FA2H: variants seen among roughly 807,000 people sequenced by gnomAD.
FA2H encodes fatty acid alpha-hydroxylase.
In FA2H, 22 loss-of-function variants were observed where a neutral mutation model predicts 44.9. The observed-to-expected ratio is 0.49, with a 90% CI of 0.35 to 0.70. The LOEUF is 0.70. Among genes scored for constraint, FA2H ranks in the 30% least tolerant of loss-of-function variants. FA2H has a pLI of 0.01. For synonymous variants in FA2H, 243 were observed against 213.2 expected, an observed-to-expected ratio of 1.14 and a Z score of -1.22; for missense variants, 501 against 504.9, an observed-to-expected ratio of 0.99 and a Z score of 0.07.
intron 3 of FA2H, 22 bp from the exon 4 acceptor site, chr16:74,726,353 G>A (rs772803508): frequency 2.7e-6 from 4 of 1,465,628 alleles, no homozygotes; most frequent in Non-Finnish European, 2.9e-6. Context: ...CCATCAGGGT[G>A]AGAGAGATAC....
intron 1 of FA2H, chr16:74,741,270 G>A (rs1962289104): frequency 6.6e-6 from 1 of 152,228 alleles, no homozygotes; most frequent in African/African-American, 2.4e-5. Context: ...GCTGGGCATT[G>A]GCCGGCGGCC....
At chr16:74,751,087 T>C (rs1375917443) in intron 1 of FA2H, among the ~76,000 whole-genome samples, 1 of 151,182 alleles carries the variant, frequency 6.6e-6, no homozygotes, top group Non-Finnish European at 1.5e-5. Context: ...CTGGTCCCAC[T>C]GTACATTTCT....
chr16:74,747,247 G>A (rs371819581), intron 1 of FA2H, among the ~76,000 whole-genome samples: 8 of 152,188 alleles, frequency 5.3e-5, no homozygotes, highest in East Asian at 3.9e-4. Flanking sequence ...GGAAATGGAG[G>A]CTGCAGTGAG....
chr16:74,753,947 T>C (rs953296184), intron 1 of FA2H, among the ~76,000 whole-genome samples: 4 of 152,248 alleles, frequency 2.6e-5, no homozygotes, highest in African/African-American at 9.6e-5. Flanking sequence ...ACACGGATTT[T>C]TTTCACTCAA....
intron 2 of FA2H, among the ~76,000 whole-genome samples, chr16:74,730,607 G>C (rs916119554): frequency 2.0e-5 from 3 of 152,076 alleles, no homozygotes; most frequent in Non-Finnish European, 4.4e-5. Flanking sequence ...AAAAGAACTG[G>C]AGGAACCAGC....
intron 1 of FA2H, among the ~76,000 whole-genome samples, chr16:74,753,997 ACT>A (rs1962572820): frequency 2.0e-5 from 3 of 151,608 alleles, no homozygotes; most frequent in South Asian, 2.1e-4. Context: ...TCGACATTGA[ACT>A]CTCTGTCTTG....
At chr16:74,726,656 G>C (rs1266419062) in intron 3 of FA2H, among the ~76,000 whole-genome samples, 1 of 152,282 alleles carries the variant, frequency 6.6e-6, no homozygotes, top group East Asian at 1.9e-4. Flanking sequence ...CAAAGTGTTG[G>C]GATTACAGGC....
rs550964971 is a variant in FA2H, at chr16:74,748,968, G to A, written c.271-8853C>T. On this transcript the variant is annotated intron_variant, in intron 1 of 6. Coordinates refer to ENST00000219368, the MANE Select transcript of FA2H (RefSeq NM_024306.5). ...ATGGAGGCCCAGGGGGAAGGTGGGGGGTCCAGGTGTCGCAGCGCCCCTGGG... is the reference window on the plus strand; with the variant it reads ...ATGGAGGCCCAGGGGGAAGGTGGGGAGTCCAGGTGTCGCAGCGCCCCTGGG... Among the ~76,000 whole-genome samples, 65 of 152,312 alleles carry A rather than the reference G, an allele frequency of 4.3e-4. 1 individual carries two copies. The highest frequency in any genetic ancestry group is 4.1e-3 in the Admixed American group (63 of 15,310).
chr16:74,747,973 G>A (rs1352195745), intron 1 of FA2H, among the ~76,000 whole-genome samples: 3 of 152,160 alleles, frequency 2.0e-5, no homozygotes, highest in African/African-American at 7.2e-5. Flanking sequence ...CCGAGGAGCC[G>A]TGGAGCCAGG....
chr16:74,753,507 C>T (rs919390486), intron 1 of FA2H, among the ~76,000 whole-genome samples: 7 of 152,104 alleles, frequency 4.6e-5, no homozygotes, highest in East Asian at 1.9e-4. Context: ...TAGTGAACCC[C>T]GTCTCTACTA....
At chr16:74,755,380 A>G (rs1332741181) in intron 1 of FA2H, among the ~76,000 whole-genome samples, 1 of 152,068 alleles carries the variant, frequency 6.6e-6, no homozygotes, top group Admixed American at 6.5e-5. Context: ...GGGTTTCGCC[A>G]TGTTGGTCAG....
At chr16:74,745,605 G>A (rs555833929) in intron 1 of FA2H, among the ~76,000 whole-genome samples, 75 of 152,302 alleles carry the variant, frequency 4.9e-4, no homozygotes, top group Admixed American at 1.6e-3. Flanking sequence ...GGGCAATGGA[G>A]GGTAGGGAGG....
Position 74,719,154 on chromosome 16 carries a change from G to A in FA2H, c.620C>T (p.Thr207Met), listed in dbSNP as rs372445274. The change falls in exon 5 of 7, where the codon ACG (threonine) becomes ATG (methionine). Residue 207 changes from threonine to methionine, a missense_variant. Thr to Met is a moderately conservative substitution (Grantham distance 81, BLOSUM62 -1). Transcript: ENST00000219368. ...GAACATGGACTTGGGCACTGCCACC[G>A]TGTACTCTGCAGGGTGGCAGGGAGA... ...RLFTSFTTEY[T>M]VAVPKSMFPG... The A allele has an allele frequency of 5.1e-5, 83 of 1,612,800 alleles. No homozygotes were observed. Among genetic ancestry groups the A allele is most frequent in the Non-Finnish European group, 6.4e-5 (75 of 1,179,820 alleles).
chr16:74,728,681 T>C (rs1317373933), intron 2 of FA2H, among the ~76,000 whole-genome samples: 5 of 151,804 alleles, frequency 3.3e-5, no homozygotes, highest in Non-Finnish European at 7.4e-5. Flanking sequence ...CCATCGGTAC[T>C]CACAGGCTAA....
intron 1 of FA2H, among the ~76,000 whole-genome samples, chr16:74,742,140 T>A (rs1962325352): frequency 6.6e-6 from 1 of 152,102 alleles, no homozygotes; most frequent in Admixed American, 6.5e-5. Flanking sequence ...TCCACCCACA[T>A]TTCCCCAGTG....
In FA2H at chr16:74,718,412, G is replaced by A. The variant is rs60833066; in HGVS notation, c.786+576C>T. On this transcript the variant is annotated intron_variant, in intron 5 of 6. Transcript: ENST00000219368. ...TTCCTTTGGGCAGACCTATCTTCTC[G>A]GGCCAGCTTCTGGGACTGTCGTGGA... Among the ~76,000 whole-genome samples, 8 of 152,098 alleles carry A rather than the reference G, an allele frequency of 5.3e-5. No individual in the cohort carries two copies. In the East Asian group the frequency reaches 5.8e-4, roughly 11 times the overall value.
At chr16:74,750,761 C>G (rs1051449451) in intron 1 of FA2H, among the ~76,000 whole-genome samples, 1 of 141,572 alleles carries the variant, frequency 7.1e-6, no homozygotes, top group African/African-American at 2.7e-5. Context: ...TTTTTTTTCA[C>G]TGTGTGTGTG....
At chr16:74,748,731 A>C (rs1435751668) in intron 1 of FA2H, among the ~76,000 whole-genome samples, 2 of 148,958 alleles carry the variant, frequency 1.3e-5, no homozygotes, top group African/African-American at 2.4e-5. Context: ...AAACAAGTCC[A>C]CCATAGAGGC....
At chr16:74,757,392 G>T (rs1185528897) in intron 1 of FA2H, among the ~76,000 whole-genome samples, 1 of 152,118 alleles carries the variant, frequency 6.6e-6, no homozygotes, top group East Asian at 1.9e-4. Context: ...GTTTTTGGAG[G>T]GAGTTAAAAT....
Sources: allele counts gnomAD v4.1 joint callset (sites outside exome capture counted in the v4.1 genomes callset), GRCh38; gene constraint gnomAD v4.1.1; transcripts MANE v1.5; gene names NCBI Gene and HGNC (gene_info 2026-07-23, HGNC 2026-07-21).